IFTAP: variants seen among roughly 807,000 people sequenced by gnomAD.
The protein encoded by IFTAP is intraflagellar transport-associated protein.
IFTAP carries 19 observed loss-of-function variants against 19.4 expected under a neutral mutation model. The ratio of observed to expected loss-of-function variants is 0.98; its 90% confidence interval spans 0.68 to 1.44. The LOEUF is 1.44. Among genes scored for constraint, IFTAP ranks in the 40% most tolerant of loss-of-function variants. The pLI is 0.00. For synonymous variants in IFTAP, 85 were observed against 83.5 expected (o/e 1.02, Z -0.10); for missense variants, 240 against 253.6 (o/e 0.95, Z 0.36).
At chr11:36,616,277 C>T (rs1039103983) in intron 2 of IFTAP, among the ~76,000 whole-genome samples, 2 of 150,572 alleles carry the variant, frequency 1.3e-5, no homozygotes, top group Non-Finnish European at 3.0e-5. Flanking sequence ...CTGTGTAGAT[C>T]AAAGATTTTA....
At chr11:36,627,889 T>C (rs1852575472) in intron 2 of IFTAP, among the ~76,000 whole-genome samples, 1 of 151,268 alleles carries the variant, frequency 6.6e-6, no homozygotes, top group Non-Finnish European at 1.5e-5. Context: ...AAAAGTATAG[T>C]ACAGATTGCA....
chr11:36,620,051 T>A (rs1852238441), intron 2 of IFTAP, among the ~76,000 whole-genome samples: 1 of 151,982 alleles, frequency 6.6e-6, no homozygotes, highest in South Asian at 2.1e-4. Flanking sequence ...ATTAAAAAAA[T>A]TAATTAATCT....
chr11:36,607,561 G>A (rs1360489295), intron 1 of IFTAP, among the ~76,000 whole-genome samples: 3 of 151,444 alleles, frequency 2.0e-5, no homozygotes, highest in Admixed American at 6.6e-5. Context: ...ATCAGGTCTT[G>A]TCCCCAAATG....
chr11:36,616,293 G>A (rs1198273732), intron 2 of IFTAP, among the ~76,000 whole-genome samples: 1 of 126,660 alleles, frequency 7.9e-6, no homozygotes, highest in Non-Finnish European at 1.8e-5. Context: ...TTTTATTTCA[G>A]ATTTTGATAT....
chr11:36,648,222 A>C, intron 5 of IFTAP, 67 bp downstream of exon 5: 3 of 1,530,036 alleles, frequency 2.0e-6, no homozygotes, highest in Non-Finnish European at 2.7e-6. Context: ...CTTCAAAGAA[A>C]TGCTGCATGC....
At chr11:36,604,920 C>CA in intron 1 of IFTAP, among the ~76,000 whole-genome samples, 1 of 151,288 alleles carries the variant, frequency 6.6e-6, no homozygotes. Context: ...ATCTGAAAGA[C>CA]AAAAAAATTA....
At chr11:36,599,118 C>T (rs756563161) in intron 1 of IFTAP, among the ~76,000 whole-genome samples, 12 of 152,184 alleles carry the variant, frequency 7.9e-5, no homozygotes, top group Middle Eastern at 3.4e-3. Flanking sequence ...CTCAGCCTCC[C>T]GAATAGCTGG....
intron 4 of IFTAP, among the ~76,000 whole-genome samples, chr11:36,637,597 T>C (rs867709414): frequency 1.3e-5 from 2 of 152,170 alleles, no homozygotes; most frequent in Non-Finnish European, 2.9e-5. Context: ...TCCCTCCCAA[T>C]AGAGAATCTA....
rs1393688441 is a variant in IFTAP at position 36,636,055 on chromosome 11, A to G, written c.296A>G (p.Asp99Gly). The G allele has an allele frequency of 3.1e-6, 5 of 1,595,526 alleles. No homozygotes were observed. In the Middle Eastern group the frequency reaches 5.0e-4, roughly 160 times the overall value. The change falls in exon 4 of 6, where the codon GAT (aspartate) becomes GGT (glycine). Residue 99 changes from aspartate to glycine, a missense_variant. Physicochemically the swap from Asp to Gly is moderately conservative, Grantham distance 94. Coordinates refer to ENST00000334307, the MANE Select transcript of IFTAP (RefSeq NM_138787.4). ...TSSQCLEEQVDNFLDLEDLDM... is the reference protein window; with the variant it reads ...TSSQCLEEQVGNFLDLEDLDM... ...TATGTTAATTCTTTTTTCTAGGTAG[A>G]TAATTTCCTAGATTTAGAAGATTTG...
At chr11:36,628,919 G>A (rs1368299756) in intron 2 of IFTAP, among the ~76,000 whole-genome samples, 1 of 151,132 alleles carries the variant, frequency 6.6e-6, no homozygotes, top group Non-Finnish European at 1.5e-5. Context: ...GCCAGACTGA[G>A]GTAATCCTCT....
At chr11:36,610,507 C>A (rs1361297833) in intron 2 of IFTAP, among the ~76,000 whole-genome samples, 1 of 152,008 alleles carries the variant, frequency 6.6e-6, no homozygotes, top group Non-Finnish European at 1.5e-5. Context: ...TTAATATAAT[C>A]CTTTTATTTT....
chr11:36,625,130 C>G (rs930686087), intron 2 of IFTAP, among the ~76,000 whole-genome samples: 9 of 152,124 alleles, frequency 5.9e-5, no homozygotes, highest in Non-Finnish European at 1.2e-4. Context: ...TACTTTCTAA[C>G]TAGGTGGTCT....
chr11:36,610,277 T>C (rs1851833614), intron 2 of IFTAP, 38 bp downstream of exon 2: 4 of 1,531,912 alleles, frequency 2.6e-6, no homozygotes, highest in Admixed American at 1.9e-5. Context: ...GCAATGGAGA[T>C]AAATAATTTT....
rs560644090 is a variant in IFTAP, at chr11:36,606,215, T to C, written c.-23-3866T>C. Among the ~76,000 whole-genome samples the C allele has an allele frequency of 3.3e-4, 50 of 152,328 alleles. No homozygotes were observed. In the South Asian group the frequency reaches 9.3e-3, roughly 28 times the overall value. On this transcript the variant is annotated intron_variant, in intron 1 of 5. Coordinates refer to ENST00000334307, the MANE Select transcript of IFTAP (RefSeq NM_138787.4). ...GGCGCACGCCTGTAATCCCAGCACT[T>C]TGGGAGGCCAAGGCAGGCGGATCAC...
chr11:36,643,226 AAG>A (rs1307773321), intron 4 of IFTAP, among the ~76,000 whole-genome samples: 1 of 152,246 alleles, frequency 6.6e-6, no homozygotes, highest in African/African-American at 2.4e-5. Context: ...GAGCCAAATC[AAG>A]AGTGAACTCC....
intron 2 of IFTAP, among the ~76,000 whole-genome samples, chr11:36,622,580 G>C (rs1244420082): frequency 6.6e-6 from 1 of 152,016 alleles, no homozygotes; most frequent in African/African-American, 2.4e-5. Context: ...AAGACCACAG[G>C]CCTGTCACTT....
At chr11:36,646,282 A>C (rs1484324046) in intron 4 of IFTAP, among the ~76,000 whole-genome samples, 7 of 152,162 alleles carry the variant, frequency 4.6e-5, no homozygotes, top group Non-Finnish European at 1.0e-4. Context: ...CTGTCAGCCA[A>C]TGGGTCAGGT....
At position 36,610,176 on chromosome 11, in the gene IFTAP, C is replaced by G. The variant is rs752758339; in HGVS notation, c.73C>G (p.Leu25Val). 2.5e-6 allele frequency: 4 copies of G among 1,610,802 alleles called. No individual in the cohort carries two copies. In the East Asian group the frequency reaches 8.9e-5, roughly 36 times the overall value. ...QLIKDVLDKFLNCHEQTYDEE... is the reference protein window; with the variant it reads ...QLIKDVLDKFVNCHEQTYDEE... ...AATCAAAGACGTCTTGGATAAATTC[C>G]TTAATTGTCATGAGCAAACATATGA... The change falls in exon 2 of 6, where the codon CTT becomes GTT. Residue 25 changes from leucine to valine, a missense_variant. Transcript: ENST00000334307.
intron 2 of IFTAP, among the ~76,000 whole-genome samples, chr11:36,610,753 TAGTGTAGTG>T (rs1851850725): frequency 6.6e-6 from 1 of 152,158 alleles, no homozygotes; most frequent in Non-Finnish European, 1.5e-5. Context: ...GTGAAACTCT[TAGTGTAGTG>T]ACTAATACAT....
Sources: allele counts gnomAD v4.1 joint callset (sites outside exome capture counted in the v4.1 genomes callset), GRCh38; gene constraint gnomAD v4.1.1; transcripts MANE v1.5; gene names NCBI Gene and HGNC (gene_info 2026-07-23, HGNC 2026-07-21).